Variants in KANK1 observed in about 807,000 individuals in gnomAD.
KANK1 encodes KN motif and ankyrin repeat domains 1.
Under a neutral mutation model 106.2 loss-of-function variants are expected in KANK1, and 109 were observed. That is an observed-to-expected ratio of 1.03 (90% CI 0.88 to 1.20). The LOEUF (loss-of-function observed/expected upper bound fraction) is 1.20, where lower values mean the gene tolerates loss of function less well. Among genes scored for constraint, KANK1 ranks in the 50% most tolerant of loss-of-function variants. KANK1 has a pLI of 0.00. For missense variants in KANK1, 2,399 were observed against 1,710.7 expected (o/e 1.40, Z -7.10); for synonymous variants, 873 against 652.2 (o/e 1.34, Z -5.16).
intron 2 of KANK1, chr9:706,837 G>C: frequency 1.0e-6 from 1 of 985,532 alleles, no homozygotes; most frequent in Non-Finnish European, 1.2e-6. Flanking sequence ...TCAGGTGACC[G>C]AGGGCTGGGC....
intron 1 of KANK1, among the ~76,000 whole-genome samples, chr9:644,131 G>A (rs1486395063): frequency 6.6e-6 from 1 of 151,068 alleles, no homozygotes; most frequent in Non-Finnish European, 1.5e-5. Context: ...TGCTAATAAT[G>A]TGGTAATGCT....
intron 3 of KANK1, among the ~76,000 whole-genome samples, chr9:724,685 C>CCA (rs1230440975): frequency 6.6e-6 from 1 of 151,936 alleles, no homozygotes; most frequent in Non-Finnish European, 1.5e-5. Context: ...ACTTGTAATC[C>CCA]CAGCTACTCA....
intron 1 of KANK1, among the ~76,000 whole-genome samples, chr9:613,111 G>A (rs1229957474): frequency 6.6e-6 from 1 of 152,050 alleles, no homozygotes; most frequent in South Asian, 2.1e-4. Context: ...AGCATGTACT[G>A]TAAAAGATCT....
chr9:643,109 C>A (rs1452980086), intron 1 of KANK1, among the ~76,000 whole-genome samples: 1 of 150,676 alleles, frequency 6.6e-6, no homozygotes, highest in Non-Finnish European at 1.5e-5. Flanking sequence ...TTGGAAAGAT[C>A]TTATTCTTTA....
At chr9:517,171 G>GATCA (rs1244085580) in intron 1 of KANK1, among the ~76,000 whole-genome samples, 1 of 151,820 alleles carries the variant, frequency 6.6e-6, no homozygotes, top group Non-Finnish European at 1.5e-5. Flanking sequence ...GTGCAGTGGC[G>GATCA]TGATCTCAGC....
At chr9:609,792 C>G (rs1465599908) in intron 1 of KANK1, among the ~76,000 whole-genome samples, 1 of 152,076 alleles carries the variant, frequency 6.6e-6, no homozygotes, top group African/African-American at 2.4e-5. Context: ...TAGTTTGGAA[C>G]TATGGCAAAA....
chr9:609,787 T>C (rs79719910), intron 1 of KANK1, among the ~76,000 whole-genome samples: 5,776 of 152,304 alleles, frequency 0.038, 129 homozygotes, highest in Non-Finnish European at 0.055. Flanking sequence ...TATCATAGTT[T>C]GGAACTATGG....
chr9:635,518 C>T (rs545903056), intron 1 of KANK1, among the ~76,000 whole-genome samples: 7 of 142,754 alleles, frequency 4.9e-5, no homozygotes, highest in Admixed American at 3.5e-4. Flanking sequence ...AGTACTCTTA[C>T]ATCCTAGTCA....
intron 1 of KANK1, among the ~76,000 whole-genome samples, chr9:515,816 G>T (rs973106976): frequency 6.6e-6 from 1 of 151,792 alleles, no homozygotes; most frequent in Non-Finnish European, 1.5e-5. Flanking sequence ...CGATGGCAGT[G>T]CTGTTAAGTT....
rs1444350424 is a variant in KANK1 at position 712,249 on chromosome 9, G to T, written c.1483G>T (p.Ala495Ser). 1.2e-6 allele frequency: 2 copies of T among 1,614,050 alleles called. No individual in the cohort carries two copies. The highest frequency in any genetic ancestry group is 8.5e-7 in the Non-Finnish European group (1 of 1,180,018). ...TAAACTGAAACAAGAGCTGCAGGCT[G>T]CTGGATCGAGGAAAAAGGTTGACAA... ...MTKLKQELQA[A>S]GSRKKVDKAT... The change falls in exon 3 of 12, where the codon GCT becomes TCT. Residue 495 changes from alanine to serine, a missense_variant. Physicochemically the swap from Ala to Ser is moderately conservative, Grantham distance 99. Transcript: ENST00000382297.
chr9:691,618 T>TCTTTTTC (rs59108460), intron 2 of KANK1, among the ~76,000 whole-genome samples: 1 of 133,834 alleles, frequency 7.5e-6, no homozygotes, highest in South Asian at 2.5e-4. Flanking sequence ...AGAATTTTTT[T>TCTTTTTC]TTTTTTTTTT....
Position 710,790 on chromosome 9 carries a change from T to A in KANK1, c.38-14T>A. Reference sequence around the variant, plus strand: ...ATTGCATGTCATTATAATATTCTTTTCTCCCTCTTCTAGGAAAAGCAGGTG... The same window carrying A: ...ATTGCATGTCATTATAATATTCTTTACTCCCTCTTCTAGGAAAAGCAGGTG... On this transcript the variant is annotated splice_polypyrimidine_tract_variant and intron_variant, in intron 2 of 11. Coordinates refer to ENST00000382297, the MANE Select transcript of KANK1 (RefSeq NM_015158.5). 1 of 1,556,208 alleles carries A rather than the reference T, an allele frequency of 6.4e-7. No homozygotes were observed. The highest frequency in any genetic ancestry group is 8.6e-7 in the Non-Finnish European group (1 of 1,156,400).
intron 6 of KANK1, 30 bp from the exon 7 acceptor site, chr9:734,718 C>G: frequency 1.4e-6 from 2 of 1,444,874 alleles, no homozygotes; most frequent in Non-Finnish European, 1.9e-6. Flanking sequence ...CTTCTTGTGA[C>G]CAATCGTAAC....
chr9:592,029 G>A lies in KANK1; in HGVS notation c.-83-84861G>A, dbSNP rs1009608011. On this transcript the variant is annotated intron_variant, in intron 1 of 11. Coordinates refer to ENST00000382297, the MANE Select transcript of KANK1 (RefSeq NM_015158.5). ...CCAGCCTGTAACACCATAGGGGCAGGGACCTTGTCTGTGTTGACCACAGCG... is the reference window on the plus strand; with the variant it reads ...CCAGCCTGTAACACCATAGGGGCAGAGACCTTGTCTGTGTTGACCACAGCG... Among the ~76,000 whole-genome samples the A allele has an allele frequency of 4.0e-5, 6 of 151,662 alleles. 1 individual carries two copies. The highest frequency in any genetic ancestry group is 1.5e-4 in the African/African-American group (6 of 40,998).
At chr9:543,559 CAAA>C (rs57776331) in intron 1 of KANK1, among the ~76,000 whole-genome samples, 48,252 of 120,236 alleles carry the variant, frequency 0.4, 10,708 homozygotes, top group East Asian at 0.79. Flanking sequence ...AACTCTGTCT[CAAA>C]AAAAAAAAAA....
At chr9:656,435 G>C (rs553014789) in intron 1 of KANK1, among the ~76,000 whole-genome samples, 63 of 152,310 alleles carry the variant, frequency 4.1e-4, no homozygotes, top group African/African-American at 1.4e-3. Flanking sequence ...GGCTGAGCCA[G>C]TGGTCTTCCC....
intron 1 of KANK1, among the ~76,000 whole-genome samples, chr9:514,128 C>G (rs2059157049): frequency 1.1e-5 from 1 of 90,738 alleles, no homozygotes; most frequent in Non-Finnish European, 2.0e-5. Context: ...CCCTCTCTCT[C>G]TCCCTCCCTC....
In KANK1 at chr9:746,014, G is replaced by A. The variant is rs1837072860; in HGVS notation, c.*779G>A. On this transcript the variant is annotated 3_prime_UTR_variant, in exon 12 of 12. Coordinates refer to ENST00000382297, the MANE Select transcript of KANK1 (RefSeq NM_015158.5). Reference sequence around the variant, plus strand: ...GTATTTATGGATTCCTTTTTACCGTGTCACATTTACTTTGGTCCTCTATGT... The same window carrying A: ...GTATTTATGGATTCCTTTTTACCGTATCACATTTACTTTGGTCCTCTATGT... 6.6e-6 allele frequency: 1 copy of A among 152,628 alleles called. No individual in the cohort carries two copies. Among genetic ancestry groups the A allele is most frequent in the Non-Finnish European group, 1.5e-5 (1 of 68,034 alleles). 9.5% of individuals were successfully genotyped at this position (152,628 alleles called of 1,614,324 possible).
chr9:716,053 T>C lies in KANK1; in HGVS notation c.2698+2589T>C, dbSNP rs146870528. ...AGATATACTGGAGTATAGAAGGGTA[T>C]TCATCTCAATGTTTGTTTTCCCCAA... On this transcript the variant is annotated intron_variant, in intron 3 of 11. Transcript: ENST00000382297. Among the ~76,000 whole-genome samples the C allele has an allele frequency of 5.8e-3, 880 of 152,308 alleles. 34 individuals carry two copies. The highest frequency in any genetic ancestry group is 2.5e-3 in the East Asian group (13 of 5,184).
Sources: gnomAD v4.1 joint callset for allele counts (sites outside exome capture counted in the v4.1 genomes callset) on GRCh38, gnomAD v4.1.1 for gene constraint, MANE v1.5 for transcripts, NCBI Gene and HGNC (gene_info 2026-07-23, HGNC 2026-07-21) for gene names.